Variants in IGFBPL1 observed in about 807,000 individuals in gnomAD.
IGFBPL1 encodes the protein insulin-like growth factor-binding protein-like 1.
IGFBPL1 carries 20 observed loss-of-function variants against 23.9 expected under a neutral mutation model. The ratio of observed to expected loss-of-function variants is 0.84; its 90% CI spans 0.59 to 1.22. The LOEUF (loss-of-function observed/expected upper bound fraction) is 1.22, where lower values mean the gene tolerates loss of function less well. IGFBPL1 is among the 50% of genes most tolerant of loss of function. The pLI, the probability that IGFBPL1 is intolerant of heterozygous loss-of-function variation, is 0.00. For synonymous variants in IGFBPL1, 184 were observed against 171.8 expected, an observed-to-expected ratio of 1.07 and a Z score of -0.56; for missense variants, 436 against 379.3, an observed-to-expected ratio of 1.15 and a Z score of -1.24.
Position 38,414,093 on chromosome 9 carries a change from C to A in IGFBPL1, c.570+1G>T. On this transcript the variant is annotated splice_donor_variant, in intron 2 of 4. Coordinates refer to ENST00000377694, the MANE Select transcript of IGFBPL1 (RefSeq NM_001007563.3). LOFTEE classifies it high-confidence loss of function. ...ATGCATGAGTTCTTGGACAGAAATA[C>A]CTTTCTCCACGTGATGACTGGGGTA... The A allele has an allele frequency of 6.4e-7, 1 of 1,565,898 alleles. No homozygotes were observed. Among genetic ancestry groups the A allele is most frequent in the Non-Finnish European group, 8.8e-7 (1 of 1,138,188 alleles).
chr9:38,411,670 CT>C, intron 3 of IGFBPL1, 121 bp from the exon 4 acceptor site: 1 of 885,490 alleles, frequency 1.1e-6, no homozygotes, highest in Non-Finnish European at 1.7e-6. Flanking sequence ...AAAACTTGCT[CT>C]ATTTCTCTCC....
Position 38,413,251 on chromosome 9 carries a change from T to C in IGFBPL1, c.673A>G (p.Thr225Ala). The C allele has an allele frequency of 6.2e-7, 1 of 1,610,570 alleles. No individual in the cohort carries two copies. The highest frequency in any genetic ancestry group is 8.5e-7 in the Non-Finnish European group (1 of 1,176,848). ...VRGGPSDHEA[T>A]AWILINPLRK... ...TAAACACTCACCAAAATCCAGGCCGTGGCCTCATGGTCAGAAGGGCCCCCT... is the reference window on the plus strand; with the variant it reads ...TAAACACTCACCAAAATCCAGGCCGCGGCCTCATGGTCAGAAGGGCCCCCT... Residue 225 changes from threonine to alanine, a missense_variant, in exon 3 of 5, where the codon ACG becomes GCG. Physicochemically the swap from Thr to Ala is moderately conservative, Grantham distance 58. Coordinates refer to ENST00000377694, the MANE Select transcript of IGFBPL1 (RefSeq NM_001007563.3).
At position 38,424,214 on chromosome 9, in the gene IGFBPL1, C is replaced by G. The variant is rs1462040822; in HGVS notation, c.211G>C (p.Gly71Arg). 8.5e-7 allele frequency: 1 copy of G among 1,182,570 alleles called. No homozygotes were observed. The highest frequency in any genetic ancestry group is 1.0e-6 in the Non-Finnish European group (1 of 957,726). The allele number at this position is 1,182,570 out of a possible 1,614,324, so 73.3% of individuals were successfully genotyped here. ...CCCCCGCAGCTCGCGCCCTCGGCTC[C>G]CAGGCAGCGGGCGCAGCAGCCGCAC... ...DECGCCARCL[G>R]AEGASCGGRA... Residue 71 changes from glycine (G) to arginine (R), a missense_variant, in exon 1 of 5, where the codon GGA becomes CGA. Gly to Arg is a moderately radical substitution (Grantham distance 125, BLOSUM62 -2). Transcript: ENST00000377694.
Position 38,424,070 on chromosome 9 carries a change from C to G in IGFBPL1, c.355G>C (p.Gly119Arg), listed in dbSNP as rs778277225. 156 of 1,396,398 alleles carry G rather than the reference C, an allele frequency of 1.1e-4. No individual in the cohort carries two copies. The highest frequency in any genetic ancestry group is 1.4e-4 in the Non-Finnish European group (147 of 1,081,160). 86.5% of individuals were successfully genotyped at this position (1,396,398 alleles called of 1,614,324 possible). Residue 119 changes from glycine to arginine, a missense_variant, in exon 1 of 5, where the codon GGT becomes CGT. Physicochemically the swap from Gly to Arg is moderately radical, Grantham distance 125. Coordinates refer to ENST00000377694, the MANE Select transcript of IGFBPL1 (RefSeq NM_001007563.3). ...GCGCAGACGCTGGGGTACGAGCGACCGTCGGAGCCGCAGACGGTGCCGCGC... is the reference window on the plus strand; with the variant it reads ...GCGCAGACGCTGGGGTACGAGCGACGGTCGGAGCCGCAGACGGTGCCGCGC... ...AQRGTVCGSDGRSYPSVCALR... is the reference protein window; with the variant it reads ...AQRGTVCGSDRRSYPSVCALR...
intron 1 of IGFBPL1, among the ~76,000 whole-genome samples, chr9:38,422,270 C>G (rs1157263021): frequency 6.6e-5 from 10 of 152,198 alleles, no homozygotes; most frequent in Non-Finnish European, 1.5e-4. Context: ...TGTATAACAG[C>G]AGATTTGGTC....
At position 38,408,485 on chromosome 9, in the gene IGFBPL1, A is replaced by G. The variant is rs1476605346; in HGVS notation, c.*742T>C. 1.3e-5 allele frequency among the ~76,000 whole-genome samples: 2 copies of G among 152,190 alleles called. No homozygotes were observed. Among genetic ancestry groups the G allele is most frequent in the African/African-American group, 2.4e-5 (1 of 41,446 alleles). Reference sequence around the variant, plus strand: ...TAACAAATGGATGCTCTGGTCTCCAAAGACCCAGCCAAGGCGCTCCTGAGT... The same window carrying G: ...TAACAAATGGATGCTCTGGTCTCCAGAGACCCAGCCAAGGCGCTCCTGAGT... On this transcript the variant is annotated 3_prime_UTR_variant, in exon 5 of 5. Coordinates refer to ENST00000377694, the MANE Select transcript of IGFBPL1 (RefSeq NM_001007563.3).
Position 38,424,342 on chromosome 9 carries a change from A to T in IGFBPL1, c.83T>A (p.Ile28Asn). 1 of 953,850 alleles carries T rather than the reference A, an allele frequency of 1.0e-6. No homozygotes were observed. 59.1% of individuals were successfully genotyped at this position (953,850 alleles called of 1,614,324 possible). A position where few individuals can be genotyped will look rare whatever the true frequency, so the allele number is the denominator to read the frequency against. Residue 28 changes from isoleucine to asparagine, a missense_variant, in exon 1 of 5, where the codon ATC becomes AAC. Physicochemically the swap from Ile to Asn is moderately radical, Grantham distance 149 (BLOSUM62 -3). Transcript: ENST00000377694. ...GGGGCGCCGGCCGCCCACGTCGCGG[A>T]TCCCAAGGCTCGGGGACAGCGGCGG... ...LLPPLSPSLG[I>N]RDVGGRRPKC...
rs1427075348 is a variant in IGFBPL1, at chr9:38,411,460, C to T, written c.777G>A (p.Thr259=). 30 of 1,613,940 alleles carry T rather than the reference C, an allele frequency of 1.9e-5. No homozygotes were observed. The highest frequency in any genetic ancestry group is 2.5e-5 in the Non-Finnish European group (29 of 1,179,944). The change falls in exon 4 of 5, where the codon ACG becomes ACA. Residue 259 remains threonine, a synonymous_variant. Transcript: ENST00000377694. ...VGEAESHSTV[T]VLDLSKYRSF... The stretch of plus-strand genomic sequence containing the variant: ...TCCTGTATTTACTCAGATCTAGAAC[C>T]GTCACTGTGCTGTGGGACTCAGCCT...
chr9:38,408,273 A>T lies in IGFBPL1; in HGVS notation c.*954T>A, dbSNP rs530670238. ...CTCTACAAAAAAAAAAAAAAAAAAA[A>T]AAAAAATAGCTGGGTGTGGTGGGGC... On this transcript the variant is annotated 3_prime_UTR_variant, in exon 5 of 5. Coordinates refer to ENST00000377694, the MANE Select transcript of IGFBPL1 (RefSeq NM_001007563.3). Among the ~76,000 whole-genome samples the T allele has an allele frequency of 1.4e-5, 2 of 138,238 alleles. No homozygotes were observed. The highest frequency in any genetic ancestry group is 5.4e-5 in the African/African-American group (2 of 37,330). 90.7% of individuals were successfully genotyped at this position (138,238 alleles called of 152,430 possible).
At chr9:38,416,063 G>T (rs1821595851) in intron 1 of IGFBPL1, among the ~76,000 whole-genome samples, 1 of 152,164 alleles carries the variant, frequency 6.6e-6, no homozygotes, top group African/African-American at 2.4e-5. Flanking sequence ...AGCCCCATCT[G>T]TGATGACAAA....
At chr9:38,415,692 G>A (rs944756868) in intron 1 of IGFBPL1, among the ~76,000 whole-genome samples, 5 of 152,092 alleles carry the variant, frequency 3.3e-5, no homozygotes, top group Admixed American at 1.3e-4. Context: ...CACCACCTAC[G>A]GAGCCAGGCC....
rs4878811 is a variant in IGFBPL1 at position 38,408,528 on chromosome 9, C to A, written c.*699G>T. 0.032 allele frequency among the ~76,000 whole-genome samples: 4,934 copies of A among 152,262 alleles called. 150 individuals are homozygous for A. The highest frequency in any genetic ancestry group is 0.1 in the East Asian group (522 of 5,174). On this transcript the variant is annotated 3_prime_UTR_variant, in exon 5 of 5. Transcript: ENST00000377694. ...TCCTGAGTCTGGTAAAGCATCCCAC[C>A]TAAAACTAAATCTCCTTCAAAGGGA...
chr9:38,421,129 C>T (rs1821671531), intron 1 of IGFBPL1, among the ~76,000 whole-genome samples: 1 of 151,322 alleles, frequency 6.6e-6, no homozygotes, highest in Admixed American at 6.6e-5. Flanking sequence ...CCTGTCTCTA[C>T]AAAAAATTCT....
intron 1 of IGFBPL1, among the ~76,000 whole-genome samples, chr9:38,417,016 G>A (rs1821608284): frequency 6.6e-6 from 1 of 152,026 alleles, no homozygotes; most frequent in South Asian, 2.1e-4. Context: ...TAACATATCT[G>A]ATTTTAAATT....
At chr9:38,414,602 T>C (rs1821566613) in intron 1 of IGFBPL1, among the ~76,000 whole-genome samples, 1 of 151,898 alleles carries the variant, frequency 6.6e-6, no homozygotes, top group South Asian at 2.1e-4. Flanking sequence ...AACGGCAGAG[T>C]CTTCTAACAG....
chr9:38,411,507 G>A lies in IGFBPL1; in HGVS notation c.730C>T (p.His244Tyr). The stretch of plus-strand genomic sequence containing the variant: ...GCCTCTCCCACCATGTTGGCTGCAT[G>A]GCACTGGTACACACCCTCATCCTCC... ...RKEDEGVYQC[H>Y]AANMVGEAES... is the part of the protein sequence containing the mutation. The change falls in exon 4 of 5, where the codon CAT becomes TAT. Residue 244 changes from histidine to tyrosine, a missense_variant. Coordinates refer to ENST00000377694, the MANE Select transcript of IGFBPL1 (RefSeq NM_001007563.3). 1 of 1,614,022 alleles carries A rather than the reference G, an allele frequency of 6.2e-7. No homozygotes were observed. The highest frequency in any genetic ancestry group is 8.5e-7 in the Non-Finnish European group (1 of 1,179,910).
Position 38,408,664 on chromosome 9 carries a change from C to G in IGFBPL1, c.*563G>C, listed in dbSNP as rs1042332293. Among the ~76,000 whole-genome samples, 1 of 152,134 alleles carries G rather than the reference C, an allele frequency of 6.6e-6. No homozygotes were observed. The highest frequency in any genetic ancestry group is 1.9e-4 in the East Asian group (1 of 5,190). ...AGAAAGAACACTAAGACCACACTTC[C>G]TGTTATTTTCCCAAAAGGCCATCTT... On this transcript the variant is annotated 3_prime_UTR_variant, in exon 5 of 5. Transcript: ENST00000377694.
intron 1 of IGFBPL1, among the ~76,000 whole-genome samples, chr9:38,420,872 C>G (rs1310718495): frequency 6.6e-6 from 1 of 152,124 alleles, no homozygotes; most frequent in Non-Finnish European, 1.5e-5. Flanking sequence ...GGCAAACCTA[C>G]ACTGGAGCCC....
chr9:38,423,669 T>G (rs1821714133), intron 1 of IGFBPL1, among the ~76,000 whole-genome samples: 1 of 151,992 alleles, frequency 6.6e-6, no homozygotes, highest in Non-Finnish European at 1.5e-5. Flanking sequence ...TAACTCCCAG[T>G]CTCCTGCTGG....
Sources: allele counts gnomAD v4.1 joint callset (sites outside exome capture counted in the v4.1 genomes callset), GRCh38; gene constraint gnomAD v4.1.1; transcripts MANE v1.5; gene names NCBI Gene and HGNC (gene_info 2026-07-23, HGNC 2026-07-21).